The following KIF21A variants were observed in gnomAD, a reference collection of about 807,000 sequenced individuals.
KIF21A encodes kinesin family member 21A.
A neutral mutation model predicts 202.9 loss-of-function variants in KIF21A; 114 were observed. The ratio of observed to expected loss-of-function variants is 0.56; its 90% CI spans 0.48 to 0.66. The LOEUF is 0.66. Ranked by LOEUF, KIF21A falls within the 30% of genes least tolerant of loss-of-function variation. The pLI is 0.00. For missense variants in KIF21A, 1,677 were observed against 1,994.9 expected (o/e 0.84, Z 3.04); for synonymous variants, 667 against 670.8 (o/e 0.99, Z 0.09).
chr12:39,442,966 A>T lies in KIF21A; in HGVS notation c.5T>A (p.Leu2Ter). Residue 2 changes from leucine (L) to a stop codon, truncating the protein, a stop_gained, in exon 1 of 38, where the codon TTG (leucine) becomes TAG (stop). Coordinates refer to ENST00000361418, the MANE Select transcript of KIF21A (RefSeq NM_001173464.2). LOFTEE classifies it high-confidence loss of function. The surrounding 1 kb of genome is among the most constrained non-coding windows in gnomAD (Gnocchi z 5.0). M[L>*]GAPDESSVRV... ...CACGGAGCTCTCGTCCGGGGCGCCC[A>T]ACATGCTGGCGGCGGGCAGCGATCG... 6.6e-7 allele frequency: 1 copy of T among 1,521,558 alleles called. No homozygotes were observed. The highest frequency in any genetic ancestry group is 8.8e-7 in the Non-Finnish European group (1 of 1,141,868). 94.3% of individuals were successfully genotyped at this position (1,521,558 alleles called of 1,614,324 possible).
At chr12:39,333,431 C>T (rs986414740) in intron 17 of KIF21A, 151 bp from the exon 18 acceptor site, 1 of 654,508 alleles carries the variant, frequency 1.5e-6, no homozygotes, top group Non-Finnish European at 2.7e-6. Flanking sequence ...ATTACAGGTA[C>T]AGCTATTTTA....
At chr12:39,414,224 G>T (rs1953349978) in intron 1 of KIF21A, among the ~76,000 whole-genome samples, 1 of 152,122 alleles carries the variant, frequency 6.6e-6, no homozygotes, top group Admixed American at 6.5e-5. Flanking sequence ...GTCATATAAA[G>T]ATTATGTTTT....
rs2138155038 is a variant in KIF21A, at chr12:39,333,280, G to C, written c.2419C>G (p.His807Asp). The C allele has an allele frequency of 6.3e-7, 1 of 1,588,396 alleles. No individual in the cohort carries two copies. The highest frequency in any genetic ancestry group is 2.2e-5 in the East Asian group (1 of 44,736). Reference protein sequence around the residue: ...QLKKDQRKRDHQLRLLEAQKR... With the variant: ...QLKKDQRKRDDQLRLLEAQKR... ...TGGGCTTCCAGAAGTCTAAGTTGATGCTATAAAATAATATTAAATAAGTGG... is the reference window on the plus strand; with the variant it reads ...TGGGCTTCCAGAAGTCTAAGTTGATCCTATAAAATAATATTAAATAAGTGG... Residue 807 changes from histidine to aspartate, a missense_variant and splice_region_variant, in exon 18 of 38, where the codon CAT (histidine) becomes GAT (aspartate). This residue lies in a region of KIF21A where 966 missense variants were observed against 1,180.9 expected (regional missense o/e 0.82). Transcript: ENST00000361418.
chr12:39,301,659 C>T lies in KIF21A; in HGVS notation c.4752G>A (p.Lys1584=), dbSNP rs1244937579. The T allele has an allele frequency of 1.2e-6, 2 of 1,614,060 alleles. No individual in the cohort carries two copies. The highest frequency in any genetic ancestry group is 1.7e-6 in the Non-Finnish European group (2 of 1,179,962). ...CCACTCCCAGGGCACAGACCCAATC[C>T]TTATGTGCATTTGGAACTTGCTAAA... ...DLLQQVPNAH[K]DWVCALGVVP... is the part of the protein sequence containing the mutation. The change falls in exon 37 of 38, where the codon AAG becomes AAA. Residue 1584 remains lysine (K), a synonymous_variant. Coordinates refer to ENST00000361418, the MANE Select transcript of KIF21A (RefSeq NM_001173464.2).
chr12:39,327,909 A>G (rs1046191090), intron 24 of KIF21A, among the ~76,000 whole-genome samples: 3 of 152,220 alleles, frequency 2.0e-5, no homozygotes, highest in African/African-American at 7.2e-5. Flanking sequence ...AAGTTAATCT[A>G]TATCATTGTA....
intron 1 of KIF21A, among the ~76,000 whole-genome samples, chr12:39,417,713 T>C (rs1953886722): frequency 6.6e-6 from 1 of 152,084 alleles, no homozygotes; most frequent in African/African-American, 2.4e-5. Context: ...TATGACACTA[T>C]TATATTCGGT....
At chr12:39,412,010 ATT>A (rs945953233) in intron 1 of KIF21A, among the ~76,000 whole-genome samples, 10 of 147,246 alleles carry the variant, frequency 6.8e-5, no homozygotes, top group Middle Eastern at 7.0e-3. Context: ...AATTTTTGTA[ATT>A]TTTTTTTTGT....
chr12:39,331,659 G>T, intron 22 of KIF21A, 31 bp downstream of exon 22: 8 of 1,430,774 alleles, frequency 5.6e-6, no homozygotes, highest in Non-Finnish European at 6.9e-6. Context: ...TCAAAACTTA[G>T]ATTTTCAGTA....
chr12:39,414,404 C>A (rs1419189105), intron 1 of KIF21A, among the ~76,000 whole-genome samples: 1 of 152,144 alleles, frequency 6.6e-6, no homozygotes, highest in East Asian at 1.9e-4. Flanking sequence ...GGCTGACAAC[C>A]ATGTACTACA....
Position 39,341,038 on chromosome 12 carries a change from G to C in KIF21A, c.1978C>G (p.Leu660Val), listed in dbSNP as rs897649790. Residue 660 changes from leucine to valine, a missense_variant, in exon 15 of 38, where the codon CTG becomes GTG. By Grantham distance (32) the Leu-to-Val change is conservative (BLOSUM62 1). Transcript: ENST00000361418. Reference sequence around the variant, plus strand: ...TGGCTGTTTTCTAGTTCATCAATCAGCTTTTGCTTAATTGCAATTTCACAA... The same window carrying C: ...TGGCTGTTTTCTAGTTCATCAATCACCTTTTGCTTAATTGCAATTTCACAA... The part of the protein sequence containing the change: ...ITCEIAIKQK[L>V]IDELENSQKR... 1 of 1,612,156 alleles carries C rather than the reference G, an allele frequency of 6.2e-7. No individual in the cohort carries two copies.
intron 10 of KIF21A, among the ~76,000 whole-genome samples, chr12:39,353,419 G>A (rs1334782271): frequency 6.6e-6 from 1 of 152,134 alleles, no homozygotes; most frequent in Non-Finnish European, 1.5e-5. Flanking sequence ...ATAGCTGTGT[G>A]CAAACTTCTA....
In KIF21A at chr12:39,442,903, C is replaced by A. The variant is rs776019935; in HGVS notation, c.44+24G>T. 55 of 1,523,700 alleles carry A rather than the reference C, an allele frequency of 3.6e-5. No homozygotes were observed. The African/African-American group carries it at 7.3e-4, about 20-fold the overall frequency. 94.4% of individuals were successfully genotyped at this position (1,523,700 alleles called of 1,614,324 possible). A position where few individuals can be genotyped will look rare whatever the true frequency, so the allele number is the denominator to read the frequency against. On this transcript the variant is annotated intron_variant, in intron 1 of 37. Transcript: ENST00000361418. The surrounding 1 kb of genome is among the most constrained non-coding windows in gnomAD (Gnocchi z 5.0). ...GCGCCCTCAACCCGCCGCCCGCCGC[C>A]CGCCGCCGGCAGACTGTCCTCACCT...
At chr12:39,351,583 C>T (rs1046727172) in intron 11 of KIF21A, among the ~76,000 whole-genome samples, 194 bp downstream of exon 11, 3 of 151,890 alleles carry the variant, frequency 2.0e-5, no homozygotes, top group Non-Finnish European at 4.4e-5. Context: ...CATGTTATTA[C>T]AATTAAATCT....
At chr12:39,297,568 C>A in intron 37 of KIF21A, among the ~76,000 whole-genome samples, 2 of 126,732 alleles carry the variant, frequency 1.6e-5, no homozygotes, top group Admixed American at 8.9e-5. Flanking sequence ...AGGGGAACAT[C>A]ACACTCTGGG....
intron 15 of KIF21A, 22 bp from the exon 16 acceptor site, chr12:39,340,386 TTA>T: frequency 1.3e-6 from 2 of 1,552,072 alleles, no homozygotes; most frequent in Non-Finnish European, 1.8e-6. Flanking sequence ...GAGGACATTT[TTA>T]TATGTTTTTT....
At chr12:39,342,544 T>C (rs1947530053) in intron 12 of KIF21A, among the ~76,000 whole-genome samples, 1 of 152,206 alleles carries the variant, frequency 6.6e-6, no homozygotes, top group South Asian at 2.1e-4. Context: ...ACATTTTCAC[T>C]GATGTCCTAA....
chr12:39,361,149 A>C (rs1036495416), intron 7 of KIF21A, among the ~76,000 whole-genome samples: 13 of 152,268 alleles, frequency 8.5e-5, no homozygotes, highest in Admixed American at 8.5e-4. Context: ...TAGACCACTT[A>C]TAAGGTAAGC....
chr12:39,366,838 G>A (rs1316394586), intron 5 of KIF21A, among the ~76,000 whole-genome samples, 192 bp downstream of exon 5: 1 of 152,140 alleles, frequency 6.6e-6, no homozygotes, highest in African/African-American at 2.4e-5. Context: ...TGGTTTTTCA[G>A]ACATTTATAC....
intron 33 of KIF21A, 74 bp downstream of exon 33, chr12:39,309,507 CTCTTT>C: frequency 9.6e-7 from 1 of 1,036,486 alleles, no homozygotes; most frequent in Non-Finnish European, 1.4e-6. Context: ...TTATAGTCCT[CTCTTT>C]TCTTATATTT....
Sources: allele counts gnomAD v4.1 joint callset (sites outside exome capture counted in the v4.1 genomes callset), GRCh38; gene constraint gnomAD v4.1.1; regional missense constraint gnomAD v4.1.1; non-coding constraint Gnocchi (gnomAD v3.1); transcripts MANE v1.5; gene names NCBI Gene and HGNC (gene_info 2026-07-23, HGNC 2026-07-21).